Variants in CERKL observed in about 807,000 individuals in gnomAD.
CERKL encodes ceramide kinase-like protein.
Under a neutral mutation model 63.4 loss-of-function variants are expected in CERKL, and 61 were observed. The observed-to-expected ratio is 0.96, with a 90% CI of 0.78 to 1.19. CERKL has a LOEUF of 1.19. Among genes scored for constraint, CERKL ranks in the 50% most tolerant of loss-of-function variants. CERKL has a pLI of 0.00. For synonymous variants in CERKL, 250 were observed against 230.5 expected (o/e 1.08, Z -0.77); for missense variants, 675 against 655.5 (o/e 1.03, Z -0.33).
chr2:181,586,327 T>A (rs1421236514), intron 2 of CERKL, among the ~76,000 whole-genome samples: 1 of 152,142 alleles, frequency 6.6e-6, no homozygotes, highest in Non-Finnish European at 1.5e-5. Flanking sequence ...AAAACATTTT[T>A]AAAATGCTCC....
intron 2 of CERKL, among the ~76,000 whole-genome samples, chr2:181,584,741 C>T (rs1684686387): frequency 6.6e-6 from 1 of 151,728 alleles, no homozygotes; most frequent in African/African-American, 2.4e-5. Flanking sequence ...ACCACTCTCT[C>T]CACTTAGTGG....
chr2:181,611,000 G>A (rs947147230), intron 1 of CERKL, among the ~76,000 whole-genome samples: 2 of 152,006 alleles, frequency 1.3e-5, no homozygotes, highest in African/African-American at 2.4e-5. Context: ...TGAGGTGGGC[G>A]GATCACAGGG....
chr2:181,604,784 A>G (rs1685608492), intron 1 of CERKL, among the ~76,000 whole-genome samples: 1 of 152,244 alleles, frequency 6.6e-6, no homozygotes, highest in African/African-American at 2.4e-5. Flanking sequence ...CAGAAGTACA[A>G]TTATTGTGAG....
chr2:181,655,382 C>T (rs1967351), intron 1 of CERKL, among the ~76,000 whole-genome samples: 105,623 of 152,162 alleles, frequency 0.69, 37,195 homozygotes, highest in East Asian at 0.92. Flanking sequence ...GTAGGTTAAA[C>T]TGGCTCTTTG....
intron 11 of CERKL, among the ~76,000 whole-genome samples, chr2:181,542,020 G>A (rs939946658): frequency 1.4e-4 from 21 of 152,170 alleles, no homozygotes; most frequent in Non-Finnish European, 1.8e-4. Context: ...GTTCAAAAGT[G>A]AGGGGCAATG....
At chr2:181,590,303 A>G (rs1684939300) in intron 2 of CERKL, among the ~76,000 whole-genome samples, 1 of 151,832 alleles carries the variant, frequency 6.6e-6, no homozygotes, top group South Asian at 2.1e-4. Flanking sequence ...AAGCCCAGCT[A>G]ATGTTCTTCT....
At chr2:181,586,395 T>C (rs574785627) in intron 2 of CERKL, among the ~76,000 whole-genome samples, 1 of 152,152 alleles carries the variant, frequency 6.6e-6, no homozygotes, top group East Asian at 1.9e-4. Flanking sequence ...TATGACAAAC[T>C]GTTTAATATG....
chr2:181,557,969 G>T (rs1688281961), intron 5 of CERKL, among the ~76,000 whole-genome samples: 1 of 151,990 alleles, frequency 6.6e-6, no homozygotes, highest in African/African-American at 2.4e-5. Context: ...CACTTAATAG[G>T]CTTCACTGAG....
chr2:181,604,665 G>A (rs1293939319), intron 1 of CERKL, among the ~76,000 whole-genome samples: 1 of 152,082 alleles, frequency 6.6e-6, no homozygotes, highest in African/African-American at 2.4e-5. Context: ...TAAAGTAACA[G>A]AAAAAATAGA....
rs3060971 is a variant in CERKL, at chr2:181,561,409, C to CAAA, written c.678-2704_678-2702dup. ...TGGGTGACAGGGTGAGAATTTATCT[C>CAAA]AAAAAAAAAAAAAAAATAGATCATA... is the stretch of plus-strand genomic sequence containing the variant. On this transcript the variant is annotated intron_variant, in intron 4 of 12. Transcript: ENST00000410087. Among the ~76,000 whole-genome samples the CAAA allele has an allele frequency of 5.9e-3, 728 of 122,942 alleles. 7 individuals carry two copies. Among genetic ancestry groups the CAAA allele is most frequent in the Middle Eastern group, 0.018 (4 of 228 alleles). 80.7% of individuals were successfully genotyped at this position (122,942 alleles called of 152,430 possible).
In CERKL at chr2:181,537,842, A is replaced by G. The variant is rs1687244638; in HGVS notation, c.*342T>C. On this transcript the variant is annotated 3_prime_UTR_variant, in exon 13 of 13. Coordinates refer to ENST00000410087, the MANE Select transcript of CERKL (RefSeq NM_201548.5). ...CTAATTGTTAGTAACATCAATTTCT[A>G]TTAGGATATCCGTTTGGCCACACAG... The G allele has an allele frequency of 2.0e-6, 1 of 492,228 alleles. No homozygotes were observed. Among genetic ancestry groups the G allele is most frequent in the African/African-American group, 1.9e-5 (1 of 51,694 alleles). 30.5% of individuals were successfully genotyped at this position (492,228 alleles called of 1,614,324 possible).
intron 2 of CERKL, among the ~76,000 whole-genome samples, chr2:181,574,712 A>G (rs1375468771): frequency 6.6e-6 from 1 of 152,180 alleles, no homozygotes; most frequent in African/African-American, 2.4e-5. Context: ...CTGCTCTCAG[A>G]GGGCCACGTT....
At chr2:181,613,917 T>C (rs1030516513) in intron 1 of CERKL, among the ~76,000 whole-genome samples, 1 of 152,236 alleles carries the variant, frequency 6.6e-6, no homozygotes, top group Non-Finnish European at 1.5e-5. Flanking sequence ...ATATTAGTTT[T>C]AAGGAAAATT....
intron 2 of CERKL, among the ~76,000 whole-genome samples, chr2:181,582,958 G>A (rs148012817): frequency 8.2e-4 from 124 of 152,098 alleles, no homozygotes; most frequent in African/African-American, 2.9e-3. Context: ...CTCACTAAAC[G>A]ACCACTTTAT....
intron 1 of CERKL, among the ~76,000 whole-genome samples, chr2:181,635,671 A>G (rs1382023002): frequency 6.6e-6 from 1 of 152,194 alleles, no homozygotes; most frequent in Admixed American, 6.5e-5. Context: ...AGTGCTTTGA[A>G]TTATGTTTGT....
chr2:181,635,373 T>C (rs1208678657), intron 1 of CERKL, among the ~76,000 whole-genome samples: 3 of 152,166 alleles, frequency 2.0e-5, no homozygotes, highest in Non-Finnish European at 2.9e-5. Context: ...TTCTACTTTT[T>C]AAAAAACATA....
chr2:181,539,000 C>T, intron 12 of CERKL, 92 bp downstream of exon 12: 1 of 949,596 alleles, frequency 1.1e-6, no homozygotes, highest in Non-Finnish European at 1.7e-6. Flanking sequence ...TAACCAACTG[C>T]CTGCTTTGAT....
At chr2:181,627,610 T>C (rs966405695) in intron 1 of CERKL, among the ~76,000 whole-genome samples, 1 of 152,204 alleles carries the variant, frequency 6.6e-6, no homozygotes, top group Non-Finnish European at 1.5e-5. Context: ...AGTATTTCTT[T>C]TGACGAAAAC....
chr2:181,556,416 C>T (rs1294898656), intron 5 of CERKL, among the ~76,000 whole-genome samples: 1 of 151,988 alleles, frequency 6.6e-6, no homozygotes, highest in South Asian at 2.1e-4. Context: ...ACAACAGGCC[C>T]CAGTGTGTGA....
Sources: gnomAD v4.1 joint callset for allele counts (sites outside exome capture counted in the v4.1 genomes callset) on GRCh38, gnomAD v4.1.1 for gene constraint, MANE v1.5 for transcripts, NCBI Gene and HGNC (gene_info 2026-07-23, HGNC 2026-07-21) for gene names.